Variants in C2CD3 observed in about 807,000 individuals in gnomAD.
C2CD3 encodes the protein C2 domain-containing protein 3.
Under a neutral mutation model 234.0 loss-of-function variants are expected in C2CD3, and 148 were observed. The observed-to-expected ratio is 0.63, with a 90% CI of 0.55 to 0.72. The LOEUF (loss-of-function observed/expected upper bound fraction) is 0.72. C2CD3 is among the 30% of genes least tolerant of loss of function. The pLI is 0.00. For missense variants in C2CD3, 2,577 were observed against 2,811.5 expected, an observed-to-expected ratio of 0.92 and a Z score of 1.89; for synonymous variants, 1,000 against 1,035.4, an observed-to-expected ratio of 0.97 and a Z score of 0.66.
chr11:74,125,991 T>C (rs1281247737), intron 7 of C2CD3, among the ~76,000 whole-genome samples: 1 of 152,128 alleles, frequency 6.6e-6, no homozygotes, highest in Non-Finnish European at 1.5e-5. Flanking sequence ...CCCTATTTCT[T>C]AGACTATATG....
At position 74,077,843 on chromosome 11, in the gene C2CD3, ATATT is replaced by A. The variant is rs1955140789; in HGVS notation, c.4603+268_4603+271del. Among the ~76,000 whole-genome samples the A allele has an allele frequency of 4.8e-4, 12 of 24,772 alleles. 3 individuals are homozygous for A. The highest frequency in any genetic ancestry group is 3.7e-3 in the African/African-American group (10 of 2,704). 16.3% of individuals were successfully genotyped at this position (24,772 alleles called of 152,430 possible). On this transcript the variant is annotated intron_variant, in intron 23 of 32. Coordinates refer to ENST00000334126, the MANE Select transcript of C2CD3 (RefSeq NM_001286577.2). ...TATATATATATATATATATATATAT[ATATT>A]ATCTCTTTAGTTACAAGAAGCACTA...
chr11:74,041,969 G>A, intron 29 of C2CD3, 85 bp downstream of exon 29: 2 of 1,384,714 alleles, frequency 1.4e-6, no homozygotes, highest in Admixed American at 1.9e-5. Flanking sequence ...GGCAGGTGAT[G>A]GAAAAGCAGT....
chr11:74,079,850 G>A (rs1955257253), intron 22 of C2CD3, among the ~76,000 whole-genome samples: 2 of 151,916 alleles, frequency 1.3e-5, no homozygotes, highest in African/African-American at 2.4e-5. Flanking sequence ...GTTTTAGAAA[G>A]GTAATAGAGT....
rs201367526 is a variant in C2CD3, at chr11:74,113,906, A to G, written c.1731-14T>C. On this transcript the variant is annotated splice_polypyrimidine_tract_variant and intron_variant, in intron 10 of 32. Transcript: ENST00000334126. The stretch of plus-strand genomic sequence containing the variant: ...ACAAAGAAAGTGCTAAAAAGAAAAA[A>G]AAAGTGATTAAAAACTAACCAAACA... The G allele has an allele frequency of 2.1e-6, 3 of 1,435,086 alleles. No individual in the cohort carries two copies. The highest frequency in any genetic ancestry group is 2.1e-5 in the Admixed American group (1 of 47,262). The allele number at this position is 1,435,086 out of a possible 1,614,324, so 88.9% of individuals were successfully genotyped here. A position where few individuals can be genotyped will look rare whatever the true frequency, so the allele number is the denominator to read the frequency against.
intron 32 of C2CD3, among the ~76,000 whole-genome samples, chr11:74,025,335 C>T (rs558000416): frequency 2.0e-5 from 3 of 152,190 alleles, no homozygotes; most frequent in South Asian, 2.1e-4. Flanking sequence ...TGGTGGCTCA[C>T]GCCTGTAATC....
At chr11:74,095,197 A>G (rs1446224227) in intron 17 of C2CD3, 31 bp downstream of exon 17, 3 of 1,447,726 alleles carry the variant, frequency 2.1e-6, no homozygotes. Flanking sequence ...AGAACCATAT[A>G]AGAATAAGAA....
chr11:74,079,777 G>A (rs992376757), intron 22 of C2CD3, among the ~76,000 whole-genome samples: 3 of 151,822 alleles, frequency 2.0e-5, no homozygotes, highest in Non-Finnish European at 1.5e-5. Flanking sequence ...CCTAGTATAG[G>A]TTCACACTAT....
intron 32 of C2CD3, among the ~76,000 whole-genome samples, chr11:74,018,577 G>A (rs1951961847): frequency 6.6e-6 from 1 of 152,182 alleles, no homozygotes; most frequent in Admixed American, 6.5e-5. Flanking sequence ...CTGCATCAGA[G>A]GCCGAGTGAG....
intron 22 of C2CD3, among the ~76,000 whole-genome samples, chr11:74,079,627 T>C (rs1200860429): frequency 6.6e-6 from 1 of 151,704 alleles, no homozygotes; most frequent in East Asian, 1.9e-4. Context: ...TGAGAAGTTC[T>C]GAGGACTAAA....
intron 7 of C2CD3, 66 bp downstream of exon 7, chr11:74,132,778 A>G (rs1215085501): frequency 3.4e-6 from 5 of 1,477,830 alleles, no homozygotes; most frequent in Admixed American, 3.6e-5. Context: ...GATGAATCTG[A>G]TAACAATGCA....
intron 2 of C2CD3, among the ~76,000 whole-genome samples, chr11:74,166,525 CTCAAAG>C (rs2135576160): frequency 6.6e-6 from 1 of 152,224 alleles, no homozygotes; most frequent in African/African-American, 2.4e-5. Context: ...AAATGGCTTG[CTCAAAG>C]TCAAACAGCA....
chr11:74,166,081 C>T (rs552379171), intron 2 of C2CD3, among the ~76,000 whole-genome samples: 39 of 152,098 alleles, frequency 2.6e-4, no homozygotes, highest in African/African-American at 7.2e-4. Flanking sequence ...GAGGCTGAGG[C>T]GAGCAGATCG....
chr11:74,168,897 A>G (rs1856974340), intron 1 of C2CD3, among the ~76,000 whole-genome samples: 2 of 152,264 alleles, frequency 1.3e-5, no homozygotes, highest in Admixed American at 6.5e-5. Flanking sequence ...CAACAAAGAC[A>G]CACTAATATA....
At chr11:74,130,997 C>A (rs899956342) in intron 7 of C2CD3, among the ~76,000 whole-genome samples, 1 of 151,634 alleles carries the variant, frequency 6.6e-6, no homozygotes, top group Non-Finnish European at 1.5e-5. Context: ...GAGACAAGAT[C>A]TCACTATGTC....
intron 31 of C2CD3, among the ~76,000 whole-genome samples, chr11:74,031,592 A>G (rs1458423351): frequency 6.6e-6 from 1 of 152,228 alleles, no homozygotes; most frequent in Non-Finnish European, 1.5e-5. Context: ...TACTTGGCAC[A>G]ATAAACTGTC....
At chr11:74,051,111 A>C (rs1001021354) in intron 26 of C2CD3, among the ~76,000 whole-genome samples, 13 of 150,876 alleles carry the variant, frequency 8.6e-5, no homozygotes, top group Non-Finnish European at 1.9e-4. Context: ...ACATAACATG[A>C]CCCCATCTCT....
intron 26 of C2CD3, among the ~76,000 whole-genome samples, chr11:74,051,676 G>A (rs1443119895): frequency 6.6e-6 from 1 of 152,102 alleles, no homozygotes; most frequent in African/African-American, 2.4e-5. Flanking sequence ...CCTCAGTTCA[G>A]GTGTGCTCCA....
At chr11:74,116,978 A>G (rs12794753) in intron 9 of C2CD3, among the ~76,000 whole-genome samples, 3,382 of 115,034 alleles carry the variant, frequency 0.029, 197 homozygotes, top group African/African-American at 0.1. Context: ...ATATACACGT[A>G]TATATACACA....
In C2CD3 at chr11:74,053,107, C is replaced by T. The variant is rs753398617; in HGVS notation, c.5155+1500G>A. Among the ~76,000 whole-genome samples, 5 of 152,240 alleles carry T rather than the reference C, an allele frequency of 3.3e-5. No individual in the cohort carries two copies. The South Asian group carries it at 8.3e-4, about 25-fold the overall frequency. On this transcript the variant is annotated intron_variant, in intron 26 of 32. Transcript: ENST00000334126. ...TGAAGAACAAACAGTGAAGGCTGTA[C>T]AGCCAGTAAGAACTGGGTTCAAATA... is the stretch of plus-strand genomic sequence containing the variant.
Sources: gnomAD v4.1 joint callset for allele counts (sites outside exome capture counted in the v4.1 genomes callset) on GRCh38, gnomAD v4.1.1 for gene constraint, MANE v1.5 for transcripts, NCBI Gene and HGNC (gene_info 2026-07-23, HGNC 2026-07-21) for gene names.